Variants in ADGRG1 observed in about 807,000 individuals in gnomAD.
ADGRG1 encodes adhesion G protein-coupled receptor G1.
A neutral mutation model predicts 73.5 loss-of-function variants in ADGRG1; 53 were observed. The observed-to-expected ratio is 0.72, with a 90% confidence interval of 0.58 to 0.91. ADGRG1 has a LOEUF of 0.91. Among genes scored for constraint, ADGRG1 ranks in the 40% least tolerant of loss-of-function variants. The pLI is 0.00. For synonymous variants in ADGRG1, 394 were observed against 374.4 expected, an observed-to-expected ratio of 1.05 and a Z score of -0.60; for missense variants, 795 against 871.8, an observed-to-expected ratio of 0.91 and a Z score of 1.11.
At chr16:57,631,943 A>G in intron 1 of ADGRG1, 2 of 976,684 alleles carry the variant, frequency 2.0e-6, no homozygotes, top group Non-Finnish European at 2.4e-6. Flanking sequence ...TTTTCTGACC[A>G]CTGCCCAGTG....
chr16:57,625,519 G>C, upstream of ADGRG1: 1 of 974,990 alleles, frequency 1.0e-6, no homozygotes, highest in Non-Finnish European at 1.2e-6. Context: ...CTCCTTCGAG[G>C]CCCCATCCGG....
At chr16:57,660,721 A>C in intron 11 of ADGRG1, 47 bp from the exon 12 acceptor site, 1 of 1,471,498 alleles carries the variant, frequency 6.8e-7, no homozygotes, top group East Asian at 2.3e-5. Flanking sequence ...GGGAATGGGC[A>C]GGCCTCAGAG....
intron 4 of ADGRG1, 127 bp downstream of exon 4, chr16:57,653,462 T>G: frequency 6.6e-7 from 1 of 1,507,178 alleles, no homozygotes; most frequent in Non-Finnish European, 8.8e-7. Context: ...TTCTTTGATT[T>G]CTCTTTCTGC....
chr16:57,633,420 C>G, intron 1 of ADGRG1: 1 of 985,378 alleles, frequency 1.0e-6, no homozygotes, highest in Non-Finnish European at 1.2e-6. Context: ...GGGGATGAAC[C>G]GAGACAGCCA....
At chr16:57,622,831 G>C (rs541762639), upstream of ADGRG1, 1 of 985,180 alleles carries the variant, frequency 1.0e-6, no homozygotes, top group Non-Finnish European at 1.2e-6. Context: ...TGCCTTCCCC[G>C]CTGGGGAGGT....
chr16:57,656,396 G>A (rs1344649863), intron 8 of ADGRG1, 118 bp from the exon 9 acceptor site: 26 of 1,609,628 alleles, frequency 1.6e-5, no homozygotes, highest in Non-Finnish European at 2.0e-5. Flanking sequence ...AAGAGAGAGC[G>A]ATGGCAGGCT....
chr16:57,652,260 A>AGCATTT, intron 3 of ADGRG1: 1 of 466,134 alleles, frequency 2.1e-6, no homozygotes, highest in Non-Finnish European at 2.8e-6. Context: ...CAGCACCATT[A>AGCATTT]AATGCTGAAT....
intron 1 of ADGRG1, chr16:57,633,063 T>A (rs1597134137): frequency 3.2e-6 from 2 of 616,660 alleles, no homozygotes; most frequent in African/African-American, 2.0e-5. Flanking sequence ...TCAAGGCCCA[T>A]GGGGGAAAGC....
At chr16:57,656,656 G>A (rs199589486) in intron 9 of ADGRG1, 39 bp downstream of exon 9, 44 of 1,215,672 alleles carry the variant, frequency 3.6e-5, no homozygotes, top group Admixed American at 6.7e-5. Context: ...CACACCCCAG[G>A]CCGTGTGCTT....
intron 1 of ADGRG1, 139 bp downstream of exon 1, chr16:57,628,941 C>A (rs755341192): frequency 1.3e-4 from 76 of 576,540 alleles, no homozygotes; most frequent in African/African-American, 4.2e-4. Context: ...TGAGTGTGAG[C>A]GTGAGAGTGT....
chr16:57,629,909 G>GAA, intron 1 of ADGRG1: 1 of 636,002 alleles, frequency 1.6e-6, no homozygotes, highest in African/African-American at 2.0e-5. Context: ...GGAGAGGTCT[G>GAA]ATGTTCATTT....
At chr16:57,637,705 T>C (rs1448787856) in intron 1 of ADGRG1, 1 of 985,104 alleles carries the variant, frequency 1.0e-6, no homozygotes, top group African/African-American at 1.7e-5. Flanking sequence ...GCCTCCTGAC[T>C]GAAGCTGCCT....
In ADGRG1 at chr16:57,663,684, G is replaced by T; in HGVS notation, c.*102G>T. On this transcript the variant is annotated 3_prime_UTR_variant, in exon 14 of 14. Transcript: ENST00000562631. ...CCCAGCCCCAGGCCAGTCAGCCGCAGACTTTGGAAAGCCCAACGACCATGG... is the reference window on the plus strand; with the variant it reads ...CCCAGCCCCAGGCCAGTCAGCCGCATACTTTGGAAAGCCCAACGACCATGG... 1 of 1,366,752 alleles carries T rather than the reference G, an allele frequency of 7.3e-7. No individual in the cohort carries two copies. The highest frequency in any genetic ancestry group is 1.2e-5 in the South Asian group (1 of 85,264). 84.7% of individuals were successfully genotyped at this position (1,366,752 alleles called of 1,614,324 possible).
chr16:57,654,244 G>C lies in ADGRG1; in HGVS notation c.768+111G>C. On this transcript the variant is annotated intron_variant, in intron 5 of 13. Transcript: ENST00000562631. The stretch of plus-strand genomic sequence containing the variant: ...AGTGCCGTCGCAGCCTCTCCCTGGG[G>C]CCTCCCGAGAAGGTTCCAGGCCCGA... 3 of 1,116,060 alleles carry C rather than the reference G, an allele frequency of 2.7e-6. No homozygotes were observed. In the South Asian group the frequency reaches 4.4e-5, roughly 16 times the overall value. The allele number at this position is 1,116,060 out of a possible 1,614,324, so 69.1% of individuals were successfully genotyped here.
chr16:57,644,504 A>C (rs540628782), intron 1 of ADGRG1, among the ~76,000 whole-genome samples: 6 of 148,036 alleles, frequency 4.1e-5, no homozygotes, highest in African/African-American at 1.5e-4. Context: ...ATGCACACTC[A>C]TGCATGGGCA....
chr16:57,624,500 C>T (rs980904434), upstream of ADGRG1, among the ~76,000 whole-genome samples: 14 of 152,080 alleles, frequency 9.2e-5, no homozygotes, highest in Non-Finnish European at 2.9e-5. Context: ...GGCCCTGTCT[C>T]GAAAACAAAG....
At chr16:57,658,423 G>A (rs762438888) in intron 10 of ADGRG1, among the ~76,000 whole-genome samples, 5 of 152,216 alleles carry the variant, frequency 3.3e-5, no homozygotes, top group Non-Finnish European at 5.9e-5. Flanking sequence ...TGCCCTCAGC[G>A]CTGAACCCAT....
chr16:57,652,145 G>A (rs1054641933), intron 3 of ADGRG1: 19 of 1,017,632 alleles, frequency 1.9e-5, no homozygotes, highest in East Asian at 8.5e-5. Flanking sequence ...GGTGAGGGGC[G>A]GAGTATGAGA....
intron 9 of ADGRG1, among the ~76,000 whole-genome samples, chr16:57,657,093 G>A (rs1351282745): frequency 6.6e-6 from 1 of 152,234 alleles, no homozygotes; most frequent in Non-Finnish European, 1.5e-5. Flanking sequence ...CATGTTAAAT[G>A]TTATAGAAGA....
Sources: allele counts gnomAD v4.1 joint callset (sites outside exome capture counted in the v4.1 genomes callset), GRCh38; gene constraint gnomAD v4.1.1; transcripts MANE v1.5; gene names NCBI Gene and HGNC (gene_info 2026-07-23, HGNC 2026-07-21).